Variants in MN1 observed in about 807,000 individuals in gnomAD.
The protein encoded by MN1 is transcriptional activator MN1.
A neutral mutation model predicts 86.9 loss-of-function variants in MN1; 19 were observed. The observed-to-expected ratio is 0.22, with a 90% confidence interval of 0.15 to 0.32. MN1 has a LOEUF of 0.32. Among genes scored for constraint, MN1 ranks in the 10% least tolerant of loss-of-function variants. The probability of loss-of-function intolerance (pLI) is 1.00; values close to 1 mark genes in which losing one functional copy is unlikely to be tolerated. For missense variants in MN1, 1,841 were observed against 1,862.0 expected (o/e 0.99, Z 0.21); for synonymous variants, 928 against 849.6 (o/e 1.09, Z -1.60).
chr22:27,776,602 T>A (rs1244936697), intron 1 of MN1, among the ~76,000 whole-genome samples: 1 of 151,540 alleles, frequency 6.6e-6, no homozygotes, highest in Non-Finnish European at 1.5e-5. Flanking sequence ...TCCCCCACCC[T>A]CTCCCTCTTT....
rs1433780489 is a variant in MN1, at chr22:27,801,670, G to GC, written c.-1128dup. Among the ~76,000 whole-genome samples, 1 of 152,142 alleles carries GC rather than the reference G, an allele frequency of 6.6e-6. No homozygotes were observed. The highest frequency in any genetic ancestry group is 2.4e-5 in the African/African-American group (1 of 41,448). ...GGTCTGCGCACCCCTCTCCCGACTA[G>GC]CGGGGGGGCTCTGCGTGGGGCGTTC... On this transcript the variant is annotated 5_prime_UTR_variant, in exon 1 of 2. Coordinates refer to ENST00000302326, the MANE Select transcript of MN1 (RefSeq NM_002430.3).
At chr22:27,781,136 GC>G (rs1376565527) in intron 1 of MN1, among the ~76,000 whole-genome samples, 1 of 152,116 alleles carries the variant, frequency 6.6e-6, no homozygotes, top group Non-Finnish European at 1.5e-5. Context: ...CTCACTTGTT[GC>G]CCAGGCTGGT....
intron 1 of MN1, among the ~76,000 whole-genome samples, chr22:27,775,895 C>G (rs1309469876): frequency 6.6e-6 from 1 of 152,164 alleles, no homozygotes; most frequent in Admixed American, 6.5e-5. Context: ...CCGCCTGAAG[C>G]CTGACCCCTG....
In MN1 at chr22:27,797,754, A is replaced by ATTCCCCGACGTG; in HGVS notation, c.2778_2789dup (p.Thr927_Asn930dup). 1 of 1,608,238 alleles carries ATTCCCCGACGTG rather than the reference A, an allele frequency of 6.2e-7. No homozygotes were observed. The highest frequency in any genetic ancestry group is 8.5e-7 in the Non-Finnish European group (1 of 1,178,468). ...CGCCCCCGGAGACCGGCTTGCCGTC[A>ATTCCCCGACGTG]TTCCCCGACGTGGATTCCAGGGTGT... On this transcript the variant is annotated inframe_insertion, in exon 1 of 2. Transcript: ENST00000302326.
In MN1 at chr22:27,798,945, TTGCTGCTGCTGCTGC is replaced by T. The variant is rs34890218; in HGVS notation, c.1584_1598del (p.Gln546_Gln550del). On this transcript the variant is annotated inframe_deletion, in exon 1 of 2. Coordinates refer to ENST00000302326, the MANE Select transcript of MN1 (RefSeq NM_002430.3). ...GCTGTTGCTGCTGCTGCTGCTGCTG[TTGCTGCTGCTGCTGC>T]TGCTGCTGCTGCTGTTGCAGGGACT... 15 of 1,539,684 alleles carry T rather than the reference TTGCTGCTGCTGCTGC, an allele frequency of 9.7e-6. No individual in the cohort carries two copies. The highest frequency in any genetic ancestry group is 2.3e-5 in the South Asian group (2 of 86,340).
chr22:27,751,003 G>T lies in MN1; in HGVS notation c.3875C>A (p.Ala1292Asp). The T allele has an allele frequency of 6.2e-7, 1 of 1,613,230 alleles. No homozygotes were observed. The change falls in exon 2 of 2, where the codon GCC (alanine) becomes GAC (aspartate). Residue 1292 changes from alanine to aspartate, a missense_variant. Physicochemically the swap from Ala to Asp is moderately radical, Grantham distance 126. Transcript: ENST00000302326. ...SVHCTDDVGD[A>D]KARASVPTWR... The stretch of plus-strand genomic sequence containing the variant: ...GGTGGGCACGGAGGCTCGAGCCTTG[G>T]CGTCACCCACGTCGTCTGTGCAGTG...
chr22:27,795,474 C>T, intron 1 of MN1, among the ~76,000 whole-genome samples: 1 of 151,730 alleles, frequency 6.6e-6, no homozygotes, highest in Non-Finnish European at 1.5e-5. Context: ...GAAACGAAGG[C>T]AGAGGAGGAA....
chr22:27,775,882 C>T (rs1458150560), intron 1 of MN1, among the ~76,000 whole-genome samples: 1 of 152,224 alleles, frequency 6.6e-6, no homozygotes, highest in African/African-American at 2.4e-5. Context: ...CCTCTGCTCC[C>T]TGCCGCCTGA....
intron 1 of MN1, among the ~76,000 whole-genome samples, chr22:27,796,226 ATGC>A (rs1933292316): frequency 6.6e-6 from 1 of 152,182 alleles, no homozygotes; most frequent in Admixed American, 6.5e-5. Context: ...CCTCTGAGTG[ATGC>A]TGCCGACACC....
Position 27,797,340 on chromosome 22 carries a change from T to C in MN1, c.3204A>G (p.Ala1068=), listed in dbSNP as rs748013141. The change falls in exon 1 of 2, where the codon GCA becomes GCG. Residue 1068 remains alanine, a synonymous_variant. Transcript: ENST00000302326. ...EVSSSSDNPQ[A]LVKASRSPLV... ...GGGGACTCCTGCTCGCTTTAACTAG[T>C]GCCTGGGGGTTGTCAGAGCTGGACG... 19 of 1,606,968 alleles carry C rather than the reference T, an allele frequency of 1.2e-5. No homozygotes were observed. The South Asian group carries it at 2.0e-4, about 17-fold the overall frequency.
chr22:27,754,168 G>T (rs1307311502), intron 1 of MN1, among the ~76,000 whole-genome samples: 3 of 152,212 alleles, frequency 2.0e-5, no homozygotes, highest in African/African-American at 7.2e-5. Flanking sequence ...CCGGGCAGAG[G>T]AAGCTGGGTC....
Position 27,801,079 on chromosome 22 carries a change from T to C in MN1, c.-536A>G. The C allele has an allele frequency of 4.5e-6, 1 of 222,092 alleles. No individual in the cohort carries two copies. The highest frequency in any genetic ancestry group is 9.0e-6 in the Non-Finnish European group (1 of 111,074). The allele number at this position is 222,092 out of a possible 1,614,324, so 13.8% of individuals were successfully genotyped here. A position where few individuals can be genotyped will look rare whatever the true frequency, so the allele number is the denominator to read the frequency against. ...CGCCGGGCACCGACAGAGCGGTCCC[T>C]CCCCCCGCCCCCCGGAGTCCCCGCG... On this transcript the variant is annotated 5_prime_UTR_variant, in exon 1 of 2. Transcript: ENST00000302326.
chr22:27,758,187 C>A (rs1165442681), intron 1 of MN1, among the ~76,000 whole-genome samples: 1 of 152,090 alleles, frequency 6.6e-6, no homozygotes, highest in Admixed American at 6.5e-5. Flanking sequence ...CCCTCTCGGG[C>A]CTCTGACCTC....
Position 27,800,510 on chromosome 22 carries a change from T to C in MN1, c.34A>G (p.Asn12Asp), listed in dbSNP as rs772034637. Residue 12 changes from asparagine (N) to aspartate (D), a missense_variant, in exon 1 of 2, where the codon AAC (asparagine) becomes GAC (aspartate). Transcript: ENST00000302326. ...TCGCCCTGGCCAGCGTTCCTGCTGT[T>C]GACCTGGGGCTCGAATTGGTCCAGC... ...FGLDQFEPQV[N>D]SRNAGQGERN... 5.0e-6 allele frequency: 8 copies of C among 1,614,194 alleles called. No homozygotes were observed. The South Asian group carries it at 8.8e-5, about 18-fold the overall frequency.
At position 27,769,744 on chromosome 22, in the gene MN1, C is replaced by T. The variant is rs182477828; in HGVS notation, c.3782-18648G>A. Among the ~76,000 whole-genome samples, 938 of 151,202 alleles carry T rather than the reference C, an allele frequency of 6.2e-3. 7 individuals carry two copies. Among genetic ancestry groups the T allele is most frequent in the Non-Finnish European group, 6.6e-3 (444 of 67,760 alleles). ...TTTTTTTTGGTATTTTTAGTAGAGA[C>T]GGGGTTTCACCGCGTTACCCAGGAT... On this transcript the variant is annotated intron_variant, in intron 1 of 1. Transcript: ENST00000302326.
At chr22:27,771,523 G>C (rs972224073) in intron 1 of MN1, among the ~76,000 whole-genome samples, 12 of 151,876 alleles carry the variant, frequency 7.9e-5, no homozygotes, top group Non-Finnish European at 1.5e-5. Flanking sequence ...CGCCACCCTG[G>C]CCTTTTTTCA....
intron 1 of MN1, among the ~76,000 whole-genome samples, chr22:27,775,121 G>T (rs748693763): frequency 2.2e-4 from 34 of 152,330 alleles, no homozygotes; most frequent in African/African-American, 7.7e-4. Context: ...TCTCAGGCAG[G>T]TCCCTTCTTT....
Position 27,796,773 on chromosome 22 carries a change from G to T in MN1, c.3771C>A (p.Asn1257Lys). Residue 1257 changes from asparagine to lysine, a missense_variant, in exon 1 of 2, where the codon AAC (asparagine) becomes AAA (lysine). Transcript: ENST00000302326. The part of the protein sequence containing the change: ...PWEKAKPQNP[N>K]SKEAHDLPAN... ...CGAGTGTGCATATACCTTCTTTGCT[G>T]TTGGGGTTCTGGGGTTTGGCCTTCT... The T allele has an allele frequency of 6.3e-7, 1 of 1,598,524 alleles. No homozygotes were observed.
At chr22:27,754,879 G>T (rs576361593) in intron 1 of MN1, among the ~76,000 whole-genome samples, 1 of 152,328 alleles carries the variant, frequency 6.6e-6, no homozygotes, top group East Asian at 1.9e-4. Context: ...ACAGGACCCA[G>T]TGAGTGCTGT....
Sources: allele counts gnomAD v4.1 joint callset (sites outside exome capture counted in the v4.1 genomes callset), GRCh38; gene constraint gnomAD v4.1.1; transcripts MANE v1.5; gene names NCBI Gene and HGNC (gene_info 2026-07-23, HGNC 2026-07-21).